The following THBS4 variants were observed in gnomAD, a reference collection of about 807,000 sequenced individuals.
THBS4 encodes thrombospondin 4.
In THBS4, 90 loss-of-function variants were observed where a neutral mutation model predicts 115.7. The ratio of observed to expected loss-of-function variants is 0.78; its 90% confidence interval spans 0.66 to 0.93. The LOEUF is 0.93. THBS4 is among the 40% of genes least tolerant of loss of function. The probability of loss-of-function intolerance (pLI) is 0.00; values close to 1 mark genes in which losing one functional copy is unlikely to be tolerated. For missense variants in THBS4, 1,087 were observed against 1,232.7 expected (o/e 0.88, Z 1.77); for synonymous variants, 460 against 479.3 (o/e 0.96, Z 0.53).
intron 1 of THBS4, among the ~76,000 whole-genome samples, chr5:80,038,173 AAAAAG>A: frequency 6.6e-6 from 1 of 152,336 alleles, no homozygotes; most frequent in African/African-American, 2.4e-5. Flanking sequence ...AAAATAAAAT[AAAAAG>A]AAAAGAGGAA....
intron 10 of THBS4, among the ~76,000 whole-genome samples, chr5:80,069,458 T>C (rs1833953033): frequency 1.3e-5 from 2 of 152,158 alleles, no homozygotes; most frequent in African/African-American, 4.8e-5. Flanking sequence ...AACAAGTGTA[T>C]ATCTCTGTTG....
intron 1 of THBS4, among the ~76,000 whole-genome samples, chr5:80,036,464 C>T (rs1832722717): frequency 6.6e-6 from 1 of 152,180 alleles, no homozygotes; most frequent in Non-Finnish European, 1.5e-5. Flanking sequence ...CCACCTTATG[C>T]AATGCACCCA....
At chr5:80,037,145 T>A (rs1238331967) in intron 1 of THBS4, among the ~76,000 whole-genome samples, 1 of 152,182 alleles carries the variant, frequency 6.6e-6, no homozygotes, top group Non-Finnish European at 1.5e-5. Context: ...TTTTTTGTGT[T>A]ATATACGTTC....
chr5:80,046,791 G>C (rs994226217), intron 2 of THBS4, among the ~76,000 whole-genome samples: 3 of 152,258 alleles, frequency 2.0e-5, no homozygotes, highest in Middle Eastern at 6.8e-3. Flanking sequence ...TTATCTAGTG[G>C]TTTTTGACAG....
intron 19 of THBS4, 83 bp downstream of exon 19, chr5:80,079,341 C>T (rs1298439296): frequency 2.8e-6 from 4 of 1,404,128 alleles, no homozygotes; most frequent in Non-Finnish European, 3.8e-6. Flanking sequence ...CCATGTGGTA[C>T]TTAGTTAATC....
intron 2 of THBS4, among the ~76,000 whole-genome samples, chr5:80,025,570 T>C (rs1302050206): frequency 1.3e-5 from 2 of 152,140 alleles, no homozygotes; most frequent in Non-Finnish European, 2.9e-5. Context: ...GCTCTTACTT[T>C]GCAGGGAGTG....
At chr5:79,996,593 T>C (rs1262531179) in intron 1 of THBS4, among the ~76,000 whole-genome samples, 1 of 152,154 alleles carries the variant, frequency 6.6e-6, no homozygotes, top group Non-Finnish European at 1.5e-5. Flanking sequence ...TAAAGATACT[T>C]TGTTACCCAG....
At position 80,071,116 on chromosome 5, in the gene THBS4, C is replaced by T. The variant is rs188715049; in HGVS notation, c.1656C>T (p.Asn552=). The T allele has an allele frequency of 4.2e-5, 67 of 1,609,902 alleles. No individual in the cohort carries two copies. The East Asian group carries it at 4.5e-4, about 11-fold the overall frequency. Residue 552 remains asparagine (N), a synonymous_variant, in exon 13 of 22, where the codon AAC becomes AAT. Coordinates refer to ENST00000350881, the MANE Select transcript of THBS4 (RefSeq NM_003248.6). ...ACDNCLSVLN[N]DQKDTDGDGR... ...ATAACTGCCTGAGTGTCTTAAATAA[C>T]GACCAGAAAGACACCGATGGGGATG...
At chr5:80,053,334 T>C (rs13174295) in intron 2 of THBS4, among the ~76,000 whole-genome samples, 11,045 of 152,116 alleles carry the variant, frequency 0.073, 561 homozygotes, top group Middle Eastern at 0.1. Flanking sequence ...TTTGGACATA[T>C]ATGTTGTGCC....
chr5:80,023,191 A>G (rs1261704520), intron 2 of THBS4, among the ~76,000 whole-genome samples: 1 of 152,190 alleles, frequency 6.6e-6, no homozygotes, highest in Non-Finnish European at 1.5e-5. Context: ...GATGCTGGAT[A>G]TTTTTATCCT....
intron 3 of THBS4, among the ~76,000 whole-genome samples, chr5:80,057,254 A>T (rs544286646): frequency 6.6e-6 from 1 of 152,336 alleles, no homozygotes; most frequent in Non-Finnish European, 1.5e-5. Context: ...TCTAAAAGTC[A>T]GGACTCACCC....
At position 80,078,110 on chromosome 5, in the gene THBS4, C is replaced by T. The variant is rs1363747725; in HGVS notation, c.2148C>T (p.Ile716=). The T allele has an allele frequency of 2.5e-5, 41 of 1,611,172 alleles. No homozygotes were observed. The highest frequency in any genetic ancestry group is 3.1e-5 in the Non-Finnish European group (36 of 1,178,156). ...DFDQDQVIDR[I]DVCPENAEVT... ...ACCAGGACCAGGTCATCGATCGGAT[C>T]GACGTCTGCCCAGAGAACGCAGAGG... The change falls in exon 17 of 22, where the codon ATC becomes ATT. Residue 716 remains isoleucine (I), a synonymous_variant. Coordinates refer to ENST00000350881, the MANE Select transcript of THBS4 (RefSeq NM_003248.6).
intron 2 of THBS4, among the ~76,000 whole-genome samples, chr5:80,023,304 C>T (rs1002929934): frequency 6.6e-5 from 10 of 152,096 alleles, no homozygotes; most frequent in African/African-American, 2.4e-4. Flanking sequence ...TGAGATATAT[C>T]GTATCTCTAT....
At chr5:80,082,154 A>C in intron 20 of THBS4, 1 of 433,376 alleles carries the variant, frequency 2.3e-6, no homozygotes, top group South Asian at 5.2e-5. Flanking sequence ...TGAGAGACAG[A>C]AGTTGGGAAG....
At chr5:80,003,219 GTTATTCC>G (rs1831941054) in intron 2 of THBS4, among the ~76,000 whole-genome samples, 1 of 152,144 alleles carries the variant, frequency 6.6e-6, no homozygotes, top group African/African-American at 2.4e-5. Context: ...TGTTTCTGGA[GTTATTCC>G]TTATACCTTT....
chr5:80,056,636 C>A (rs1179725110), intron 3 of THBS4, among the ~76,000 whole-genome samples: 1 of 152,158 alleles, frequency 6.6e-6, no homozygotes, highest in Non-Finnish European at 1.5e-5. Context: ...ACATACATTT[C>A]TTTTAGAATT....
intron 2 of THBS4, among the ~76,000 whole-genome samples, chr5:80,014,960 T>A (rs574767247): frequency 6.6e-6 from 1 of 152,360 alleles, no homozygotes; most frequent in South Asian, 2.1e-4. Context: ...GATAATTTTA[T>A]TTCATCACTA....
At chr5:80,071,296 A>G in intron 13 of THBS4, 116 bp downstream of exon 13, 5 of 1,469,196 alleles carry the variant, frequency 3.4e-6, no homozygotes, top group Non-Finnish European at 4.5e-6. Flanking sequence ...TGGGTGGCTC[A>G]TTGTGGCCTG....
intron 2 of THBS4, among the ~76,000 whole-genome samples, chr5:80,024,494 C>T (rs1561297221): frequency 6.6e-6 from 1 of 152,172 alleles, no homozygotes; most frequent in East Asian, 1.9e-4. Flanking sequence ...GAAAGTAAGA[C>T]ACCACTCCTT....
Sources: allele counts gnomAD v4.1 joint callset (sites outside exome capture counted in the v4.1 genomes callset), GRCh38; gene constraint gnomAD v4.1.1; transcripts MANE v1.5; gene names NCBI Gene and HGNC (gene_info 2026-07-23, HGNC 2026-07-21).